The following DENND5A variants were observed in gnomAD, a reference collection of about 807,000 sequenced individuals.
DENND5A encodes the protein DENN domain containing 5A, also known as DENN domain-containing protein 5A.
A neutral mutation model predicts 140.3 loss-of-function variants in DENND5A; 64 were observed. The observed-to-expected ratio is 0.46, with a 90% CI of 0.37 to 0.56. DENND5A has a LOEUF of 0.56. DENND5A is among the 20% of genes least tolerant of loss of function. The pLI is 0.00. For missense variants in DENND5A, 1,292 were observed against 1,593.8 expected, an observed-to-expected ratio of 0.81 and a Z score of 3.22; for synonymous variants, 605 against 607.7, an observed-to-expected ratio of 1.00 and a Z score of 0.07.
intron 12 of DENND5A, among the ~76,000 whole-genome samples, chr11:9,154,715 A>G (rs1253245918): frequency 6.0e-5 from 9 of 151,258 alleles, no homozygotes; most frequent in Non-Finnish European, 1.2e-4. Flanking sequence ...ATTCATCCAA[A>G]TAACAAATAT....
chr11:9,162,800 A>C (rs1251132887), intron 11 of DENND5A, among the ~76,000 whole-genome samples: 1 of 151,496 alleles, frequency 6.6e-6, no homozygotes, highest in Non-Finnish European at 1.5e-5. Flanking sequence ...CCCAGATTCA[A>C]CTGATCATCC....
rs1849592470 is a variant in DENND5A, at chr11:9,203,659, C to T, written c.949+1G>A. 8 of 1,610,622 alleles carry T rather than the reference C, an allele frequency of 5.0e-6. No individual in the cohort carries two copies. The highest frequency in any genetic ancestry group is 1.7e-5 in the Admixed American group (1 of 59,804). ...GAAGGCTCTAGTAAGCACTGACTTA[C>T]GCTGTGAGTAGAGCAGGATTTGAAA... On this transcript the variant is annotated splice_donor_variant, in intron 4 of 22. Transcript: ENST00000328194. LOFTEE classifies it high-confidence loss of function.
intron 8 of DENND5A, chr11:9,171,028 C>T: frequency 3.9e-6 from 2 of 515,794 alleles, no homozygotes; most frequent in African/African-American, 1.9e-5. Context: ...TGAGGTAACC[C>T]CTAGAACTAT....
rs1851526526 is a variant in DENND5A, at chr11:9,247,450, T to C, written c.109+17511A>G. On this transcript the variant is annotated intron_variant, in intron 1 of 22. Coordinates refer to ENST00000328194, the MANE Select transcript of DENND5A (RefSeq NM_015213.4). ...CAAAGGAGTTTATAATACAGCTCTA[T>C]AATGTTTCCATTTTCATACTGACCT... 2.0e-5 allele frequency among the ~76,000 whole-genome samples: 3 copies of C among 151,882 alleles called. No individual in the cohort carries two copies. In the South Asian group the frequency reaches 6.2e-4, roughly 31 times the overall value.
intron 4 of DENND5A, among the ~76,000 whole-genome samples, chr11:9,194,010 G>A (rs1849231796): frequency 6.6e-6 from 1 of 152,172 alleles, no homozygotes; most frequent in African/African-American, 2.4e-5. Flanking sequence ...AAGAAAGGGG[G>A]TAGGAGAACT....
At chr11:9,155,019 G>A (rs1250360761) in intron 12 of DENND5A, among the ~76,000 whole-genome samples, 1 of 151,870 alleles carries the variant, frequency 6.6e-6, no homozygotes, top group Non-Finnish European at 1.5e-5. Context: ...CATGGTGACA[G>A]GCACCTGTAA....
chr11:9,145,252 C>A, intron 17 of DENND5A, 139 bp from the exon 18 acceptor site: 2 of 678,662 alleles, frequency 2.9e-6, no homozygotes, highest in South Asian at 3.4e-5. Flanking sequence ...GCTCTACATA[C>A]CGCCAGAACT....
chr11:9,144,309 G>A (rs771991272), intron 18 of DENND5A, 31 bp from the exon 19 acceptor site: 15 of 1,609,972 alleles, frequency 9.3e-6, no homozygotes, highest in Middle Eastern at 1.9e-4. Flanking sequence ...TGTCAGAGCA[G>A]CCAGCTCCTC....
At chr11:9,148,286 G>A (rs960423046) in intron 15 of DENND5A, among the ~76,000 whole-genome samples, 6 of 151,784 alleles carry the variant, frequency 4.0e-5, no homozygotes, top group African/African-American at 1.5e-4. Context: ...GTTCAGGGAA[G>A]TGATCAGTTA....
intron 5 of DENND5A, among the ~76,000 whole-genome samples, chr11:9,183,284 T>C (rs985062961): frequency 1.3e-5 from 2 of 152,200 alleles, no homozygotes; most frequent in Admixed American, 6.5e-5. Flanking sequence ...ACCAATGTCA[T>C]AGACTTGTTT....
Position 9,143,444 on chromosome 11 carries a change from C to G in DENND5A, c.3346G>C (p.Val1116Leu). 6.2e-7 allele frequency: 1 copy of G among 1,614,240 alleles called. No individual in the cohort carries two copies. The highest frequency in any genetic ancestry group is 8.5e-7 in the Non-Finnish European group (1 of 1,180,026). ...TGGAAGTGCTTCACAATGCCATTGA[C>G]TGCCTCCCCGATGGACTCCTGGATC... Reference protein sequence around the residue: ...GQIQESIGEAVNGIVKHFHKP... With the variant: ...GQIQESIGEALNGIVKHFHKP... The change falls in exon 20 of 23, where the codon GTC becomes CTC. Residue 1116 changes from valine (V) to leucine (L), a missense_variant. By Grantham distance (32) the Val-to-Leu change is conservative. This residue lies in a region of DENND5A where 498 missense variants were observed against 689.7 expected (regional missense o/e 0.72). Coordinates refer to ENST00000328194, the MANE Select transcript of DENND5A (RefSeq NM_015213.4).
intron 11 of DENND5A, among the ~76,000 whole-genome samples, chr11:9,164,909 A>T (rs915099414): frequency 6.6e-6 from 1 of 152,224 alleles, no homozygotes; most frequent in Non-Finnish European, 1.5e-5. Context: ...AGGTTCACTT[A>T]AGCCCAGGAC....
intron 1 of DENND5A, among the ~76,000 whole-genome samples, chr11:9,223,051 T>G (rs1431146705): frequency 6.6e-6 from 1 of 152,212 alleles, no homozygotes; most frequent in Non-Finnish European, 1.5e-5. Flanking sequence ...AGTTCTTGAT[T>G]GTAGAATGAT....
chr11:9,232,776 A>G (rs1016745829), intron 1 of DENND5A, among the ~76,000 whole-genome samples: 4 of 152,202 alleles, frequency 2.6e-5, no homozygotes, highest in Non-Finnish European at 5.9e-5. Context: ...AGGAATGTTC[A>G]TAACATGTCA....
At chr11:9,259,375 G>A (rs1015645078) in intron 1 of DENND5A, among the ~76,000 whole-genome samples, 1 of 150,990 alleles carries the variant, frequency 6.6e-6, no homozygotes, top group Non-Finnish European at 1.5e-5. Context: ...TGGCTAACAC[G>A]GTGACACCCC....
chr11:9,220,424 G>A (rs918929229), intron 1 of DENND5A, among the ~76,000 whole-genome samples: 1 of 151,988 alleles, frequency 6.6e-6, no homozygotes, highest in Admixed American at 6.6e-5. Context: ...GCACATGCCC[G>A]TAATCCCAGC....
chr11:9,178,713 T>C (rs951498905), intron 7 of DENND5A, 145 bp downstream of exon 7: 4 of 694,922 alleles, frequency 5.8e-6, no homozygotes, highest in African/African-American at 5.4e-5. Flanking sequence ...ACAAGACCTA[T>C]TTTATCAACA....
chr11:9,177,079 ACT>A (rs916244721), intron 8 of DENND5A, among the ~76,000 whole-genome samples: 1 of 151,518 alleles, frequency 6.6e-6, no homozygotes, highest in African/African-American at 2.4e-5. Flanking sequence ...ACATGGCGAG[ACT>A]CTGTCTCTAA....
chr11:9,200,833 T>C lies in DENND5A; in HGVS notation c.949+2827A>G, dbSNP rs74052992. On this transcript the variant is annotated intron_variant, in intron 4 of 22. Transcript: ENST00000328194. ...TCTCCCTTTGGGGATATACTCTTAA[T>C]ATAATGGCCAGAGTGATCCTGTTAA... is the stretch of plus-strand genomic sequence containing the variant. 5.2e-3 allele frequency among the ~76,000 whole-genome samples: 798 copies of C among 152,332 alleles called. 8 individuals are homozygous for C. The highest frequency in any genetic ancestry group is 0.018 in the African/African-American group (759 of 41,568).
Sources: gnomAD v4.1 joint callset for allele counts (sites outside exome capture counted in the v4.1 genomes callset) on GRCh38, gnomAD v4.1.1 for gene constraint, gnomAD v4.1.1 regional missense constraint, MANE v1.5 for transcripts, NCBI Gene and HGNC (gene_info 2026-07-23, HGNC 2026-07-21) for gene names.